Variants in SCRIB observed in about 807,000 individuals in gnomAD.
The protein encoded by SCRIB is scribble planar cell polarity protein.
SCRIB carries 72 observed loss-of-function variants against 170.0 expected under a neutral mutation model. The ratio of observed to expected loss-of-function variants is 0.42; its 90% CI spans 0.35 to 0.52. The LOEUF (loss-of-function observed/expected upper bound fraction) is 0.52. SCRIB is among the 20% of genes least tolerant of loss of function. The probability of loss-of-function intolerance (pLI) is 0.02; values close to 1 mark genes in which losing one functional copy is unlikely to be tolerated. For missense variants in SCRIB, 2,475 were observed against 2,338.5 expected (o/e 1.06, Z -1.20); for synonymous variants, 1,298 against 1,044.3 (o/e 1.24, Z -4.68).
chr8:143,800,386 G>A (rs1476318365), intron 24 of SCRIB, among the ~76,000 whole-genome samples: 3 of 152,180 alleles, frequency 2.0e-5, no homozygotes, highest in African/African-American at 7.2e-5. Context: ...GTCCCTCAGA[G>A]CTGAGCACAA....
chr8:143,804,491 TAA>T, intron 21 of SCRIB, 75 bp downstream of exon 21: 2 of 1,415,888 alleles, frequency 1.4e-6, no homozygotes, highest in Non-Finnish European at 9.3e-7. Flanking sequence ...CGCAAGGCCA[TAA>T]GAGAGCAGGT....
chr8:143,805,203 C>T lies in SCRIB; in HGVS notation c.2579G>A (p.Arg860His), dbSNP rs529863762. The change falls in exon 19 of 37, where the codon CGC becomes CAC. Residue 860 changes from arginine (R) to histidine (H), a missense_variant. By Grantham distance (29) the Arg-to-His change is conservative. Transcript: ENST00000356994. ...PPESPGPLRQ[R>H]HVACLARSER... ...GCTGCGTGCCAGGCAGGCCACGTGG[C>T]GCTGACGGAGGGGCCCGGGGCTCTC... 1.5e-5 allele frequency: 24 copies of T among 1,568,434 alleles called. No homozygotes were observed. Among genetic ancestry groups the T allele is most frequent in the South Asian group, 5.9e-5 (5 of 85,376 alleles).
At chr8:143,806,777 G>T in intron 17 of SCRIB, 147 bp downstream of exon 17, 1 of 667,516 alleles carries the variant, frequency 1.5e-6, no homozygotes, top group Non-Finnish European at 2.5e-6. Context: ...TTGGACTTCG[G>T]GATCCCACAA....
chr8:143,805,796 C>T (rs557533770), intron 18 of SCRIB, among the ~76,000 whole-genome samples: 2 of 152,296 alleles, frequency 1.3e-5, no homozygotes, highest in African/African-American at 2.4e-5. Flanking sequence ...TGACCCACAC[C>T]CCCACCCCAA....
Position 143,798,886 on chromosome 8 carries a change from G to A in SCRIB, c.3604-3356C>T, listed in dbSNP as rs190868679. On this transcript the variant is annotated intron_variant, in intron 24 of 36. Coordinates refer to ENST00000356994, the MANE Select transcript of SCRIB (RefSeq NM_182706.5). Reference sequence around the variant, plus strand: ...TCCCACACAAAAATGTTGGAATCCAGGGCCGGGGCAGGAAGTACAAAGAAT... The same window carrying A: ...TCCCACACAAAAATGTTGGAATCCAAGGCCGGGGCAGGAAGTACAAAGAAT... 2.4e-4 allele frequency among the ~76,000 whole-genome samples: 37 copies of A among 151,870 alleles called. 1 individual carries two copies. Among genetic ancestry groups the A allele is most frequent in the Admixed American group, 1.9e-3 (29 of 15,216 alleles).
intron 1 of SCRIB, 81 bp downstream of exon 1, chr8:143,815,133 C>G (rs1231856833): frequency 3.6e-6 from 5 of 1,392,088 alleles, no homozygotes; most frequent in Non-Finnish European, 4.7e-6. Context: ...GCTGCGGTGA[C>G]TCGCCCGGGC....
intron 22 of SCRIB, 46 bp downstream of exon 22, chr8:143,804,000 G>A (rs1321078788): frequency 1.3e-6 from 2 of 1,576,384 alleles, no homozygotes; most frequent in Non-Finnish European, 1.7e-6. Context: ...GCTGGTACCT[G>A]GGATGGGTGC....
At chr8:143,799,674 G>A (rs913088508) in intron 24 of SCRIB, among the ~76,000 whole-genome samples, 13 of 152,224 alleles carry the variant, frequency 8.5e-5, no homozygotes, top group South Asian at 2.1e-4. Flanking sequence ...TACAGACGAG[G>A]AGACTGAGGA....
At chr8:143,807,654 C>T (rs565625148) in intron 15 of SCRIB, 40 bp from the exon 16 acceptor site, 21 of 1,521,180 alleles carry the variant, frequency 1.4e-5, no homozygotes, top group African/African-American at 1.4e-4. Flanking sequence ...GGTTAGCCAC[C>T]GCCAAGACCA....
chr8:143,814,187 G>A (rs1586536029), intron 1 of SCRIB, 69 bp from the exon 2 acceptor site: 12 of 1,306,486 alleles, frequency 9.2e-6, no homozygotes, highest in African/African-American at 4.4e-5. Flanking sequence ...TCCTGGACAC[G>A]TGAGTGTCAC....
chr8:143,791,107 G>GTGGT lies in SCRIB; in HGVS notation c.*52_*55dup. The GTGGT allele has an allele frequency of 7.3e-7, 1 of 1,377,526 alleles. No individual in the cohort carries two copies. Among genetic ancestry groups the GTGGT allele is most frequent in the Non-Finnish European group, 9.4e-7 (1 of 1,066,112 alleles). 85.3% of individuals were successfully genotyped at this position (1,377,526 alleles called of 1,614,324 possible). On this transcript the variant is annotated 3_prime_UTR_variant, in exon 37 of 37. Coordinates refer to ENST00000356994, the MANE Select transcript of SCRIB (RefSeq NM_182706.5). Reference sequence around the variant, plus strand: ...CCAGGTTAAAAGACTTGGGGCAAGGGTGGTGCTGGAGCTGGCAGGGCCCCC... The same window carrying GTGGT: ...CCAGGTTAAAAGACTTGGGGCAAGGGTGGTTGGTGCTGGAGCTGGCAGGGCCCCC...
intron 8 of SCRIB, 90 bp downstream of exon 8, chr8:143,812,726 GT>G: frequency 6.7e-7 from 1 of 1,490,048 alleles, no homozygotes; most frequent in South Asian, 1.2e-5. Context: ...ATCCTCCCCT[GT>G]GTTCCACACC....
At chr8:143,797,330 C>T (rs950944156) in intron 24 of SCRIB, among the ~76,000 whole-genome samples, 7 of 152,156 alleles carry the variant, frequency 4.6e-5, no homozygotes, top group South Asian at 2.1e-4. Context: ...TGTGAGCCCA[C>T]GTGAACAGGT....
At position 143,805,431 on chromosome 8, in the gene SCRIB, T is replaced by C. The variant is rs1554636331; in HGVS notation, c.2351A>G (p.Asn784Ser). 2 of 1,493,658 alleles carry C rather than the reference T, an allele frequency of 1.3e-6. No individual in the cohort carries two copies. Among genetic ancestry groups the C allele is most frequent in the Non-Finnish European group, 8.9e-7 (1 of 1,124,064 alleles). 92.5% of individuals were successfully genotyped at this position (1,493,658 alleles called of 1,614,324 possible). Residue 784 changes from asparagine (N) to serine (S), a missense_variant, in exon 19 of 37, where the codon AAT (asparagine) becomes AGT (serine). This residue lies in a region of SCRIB where 1,966 missense variants were observed against 1,742.9 expected (regional missense o/e 1.13). Transcript: ENST00000356994. ...VRVGDKLLEV[N>S]GVALQGAEHH... ...CTCGGCGCCCTGCAGAGCCACACCA[T>C]TCACCTGCGGGCCAGGGACCACGTG...
rs564176542 is a variant in SCRIB, at chr8:143,800,955, A to G, written c.3603+2428T>C. Among the ~76,000 whole-genome samples, 7 of 29,356 alleles carry G rather than the reference A, an allele frequency of 2.4e-4. No individual in the cohort carries two copies. In the East Asian group the frequency reaches 0.026, roughly 108 times the overall value. The allele number at this position is 29,356 out of a possible 152,430, so 19.3% of individuals were successfully genotyped here. A position where few individuals can be genotyped will look rare whatever the true frequency, so the allele number is the denominator to read the frequency against. ...ACAGAACTTGGCAGGTTCATTCGTA[A>G]GAGAAAACACATTGACAATAGAAAC... On this transcript the variant is annotated intron_variant, in intron 24 of 36. Coordinates refer to ENST00000356994, the MANE Select transcript of SCRIB (RefSeq NM_182706.5).
rs1554636171 is a variant in SCRIB, at chr8:143,805,157, G to A, written c.2625C>T (p.Ser875=). The change falls in exon 19 of 37, where the codon AGC becomes AGT. Residue 875 remains serine (S), a synonymous_variant. Coordinates refer to ENST00000356994, the MANE Select transcript of SCRIB (RefSeq NM_182706.5). The part of the protein sequence containing the change: ...LARSERGLGF[S]IAGGKGSTPY... Reference sequence around the variant, plus strand: ...GTGTGGAGCCTTTCCCACCAGCAATGCTGAAGCCCAGCCCCCTCTCGCTGC... The same window carrying A: ...GTGTGGAGCCTTTCCCACCAGCAATACTGAAGCCCAGCCCCCTCTCGCTGC... 1.3e-6 allele frequency: 2 copies of A among 1,577,786 alleles called. No individual in the cohort carries two copies. The highest frequency in any genetic ancestry group is 2.3e-5 in the East Asian group (1 of 44,376).
At chr8:143,791,964 C>CT (rs1820119915) in intron 33 of SCRIB, 27 bp downstream of exon 33, 1 of 1,487,016 alleles carries the variant, frequency 6.7e-7, no homozygotes, top group Non-Finnish European at 8.9e-7. Context: ...GCAGGCTGAC[C>CT]CCCCCGACCT....
chr8:143,798,875 GT>G, intron 24 of SCRIB, among the ~76,000 whole-genome samples: 1 of 151,920 alleles, frequency 6.6e-6, no homozygotes, highest in African/African-American at 2.4e-5. Flanking sequence ...ACACAAAAAT[GT>G]TGGAATCCAG....
At chr8:143,800,361 C>T (rs1815124953) in intron 24 of SCRIB, among the ~76,000 whole-genome samples, 1 of 152,166 alleles carries the variant, frequency 6.6e-6, no homozygotes. Context: ...GCAAACGTCA[C>T]AGTACAAGAT....
Sources: gnomAD v4.1 joint callset for allele counts (sites outside exome capture counted in the v4.1 genomes callset) on GRCh38, gnomAD v4.1.1 for gene constraint, gnomAD v4.1.1 regional missense constraint, MANE v1.5 for transcripts, NCBI Gene and HGNC (gene_info 2026-07-23, HGNC 2026-07-21) for gene names.